The following MAG variants were observed in gnomAD, a reference collection of about 807,000 sequenced individuals.
MAG encodes myelin associated glycoprotein.
Under a neutral mutation model 60.7 loss-of-function variants are expected in MAG, and 30 were observed. The observed-to-expected ratio is 0.49, with a 90% CI of 0.37 to 0.67. The LOEUF (loss-of-function observed/expected upper bound fraction) is 0.67. Ranked by LOEUF, MAG falls within the 30% of genes least tolerant of loss-of-function variation. The probability of loss-of-function intolerance (pLI) is 0.00; values close to 1 mark genes in which losing one functional copy is unlikely to be tolerated. For synonymous variants in MAG, 384 were observed against 376.8 expected (o/e 1.02, Z -0.22); for missense variants, 795 against 851.7 (o/e 0.93, Z 0.83).
intron 5 of MAG, 103 bp from the exon 6 acceptor site, chr19:35,300,044 A>G (rs1173481087): frequency 4.8e-5 from 39 of 812,636 alleles, no homozygotes; most frequent in African/African-American, 1.9e-4. Flanking sequence ...GCCAAGGCTG[A>G]GGGCGGGGCC....
intron 9 of MAG, among the ~76,000 whole-genome samples, chr19:35,311,311 A>G (rs10414945): frequency 0.43 from 65,982 of 151,824 alleles, 15,501 homozygotes; most frequent in African/African-American, 0.63. Flanking sequence ...ACAAAAAAAC[A>G]AAAAAATTAG....
At chr19:35,309,215 C>T (rs989604731) in intron 7 of MAG, among the ~76,000 whole-genome samples, 10 of 152,056 alleles carry the variant, frequency 6.6e-5, no homozygotes, top group African/African-American at 2.2e-4. Context: ...AAGAGAGCAC[C>T]CCAAACCACC....
chr19:35,300,770 C>G (rs979265055), intron 6 of MAG, among the ~76,000 whole-genome samples: 50 of 152,254 alleles, frequency 3.3e-4, no homozygotes, highest in African/African-American at 1.2e-3. Flanking sequence ...TGCTCTGTTG[C>G]CCAGTCTGGA....
rs1164702120 is a variant in MAG, at chr19:35,293,663, TG to T, written c.-79-569del. Among the ~76,000 whole-genome samples the T allele has an allele frequency of 1.1e-4, 17 of 152,156 alleles. No homozygotes were observed. The highest frequency in any genetic ancestry group is 4.1e-4 in the African/African-American group (17 of 41,520). ...GCCAGGGGCTCGCTAGCCCCCACCC[TG>T]GGCCTTCCTGGCCCTGCTCAAAGGC... is the stretch of plus-strand genomic sequence containing the variant. On this transcript the variant is annotated intron_variant, in intron 1 of 10. Transcript: ENST00000392213. This position sits in a 1 kb window ranked among gnomAD's most constrained non-coding sequence, Gnocchi z 4.0.
chr19:35,312,092 G>C, intron 10 of MAG, 75 bp downstream of exon 10: 1 of 1,438,740 alleles, frequency 7.0e-7, no homozygotes, highest in Non-Finnish European at 9.8e-7. Flanking sequence ...GGCCTGTGAG[G>C]CCAAGGGGCA....
intron 4 of MAG, among the ~76,000 whole-genome samples, chr19:35,298,100 A>C: frequency 7.0e-6 from 1 of 142,510 alleles, no homozygotes; most frequent in African/African-American, 2.6e-5. Context: ...ACCACACACT[A>C]CACACACCAC....
chr19:35,303,194 G>A (rs1227176903), intron 7 of MAG, among the ~76,000 whole-genome samples: 1 of 152,200 alleles, frequency 6.6e-6, no homozygotes, highest in Non-Finnish European at 1.5e-5. Context: ...AAAGTCCTAG[G>A]ATTACAGGCG....
intron 6 of MAG, 87 bp from the exon 7 acceptor site, chr19:35,302,361 G>A: frequency 6.5e-7 from 1 of 1,527,066 alleles, no homozygotes; most frequent in Non-Finnish European, 8.9e-7. Flanking sequence ...TTTGGGGTGG[G>A]ATCTGGGGTC....
intron 1 of MAG, among the ~76,000 whole-genome samples, chr19:35,294,004 C>T (rs1008101865): frequency 1.3e-5 from 2 of 152,114 alleles, no homozygotes; most frequent in Non-Finnish European, 2.9e-5. Flanking sequence ...CCCCGTACCC[C>T]GATGCGGTCG....
rs375849472 is a variant in MAG at position 35,310,585 on chromosome 19, G to A, written c.1558G>A (p.Val520Met). Residue 520 changes from valine to methionine, a missense_variant, in exon 9 of 11, where the codon GTG (valine) becomes ATG (methionine). Val to Met is a conservative substitution (Grantham distance 21). Transcript: ENST00000392213. ...MWAKIGPVGA[V>M]VAFAILIAIV... ...GGCCAAGATCGGGCCTGTGGGCGCC[G>A]TGGTCGCCTTTGCCATCCTGATTGC... 14 of 1,614,156 alleles carry A rather than the reference G, an allele frequency of 8.7e-6. No individual in the cohort carries two copies. The highest frequency in any genetic ancestry group is 4.5e-5 in the East Asian group (2 of 44,872).
chr19:35,312,295 T>C (rs773699925), intron 10 of MAG: 2 of 1,613,466 alleles, frequency 1.2e-6, no homozygotes, highest in African/African-American at 1.3e-5. Context: ...AAGAGGTTTC[T>C]ACCCTGGAAT....
chr19:35,308,469 G>A (rs567936009), intron 7 of MAG, among the ~76,000 whole-genome samples: 129 of 152,290 alleles, frequency 8.5e-4, no homozygotes, highest in African/African-American at 2.6e-3. Flanking sequence ...AGTGGCTTGC[G>A]CCTTATAATC....
At position 35,302,912 on chromosome 19, in the gene MAG, CTTTTTT is replaced by C. The variant is rs869126086; in HGVS notation, c.1231+221_1231+226del. 8.0e-5 allele frequency among the ~76,000 whole-genome samples: 8 copies of C among 99,824 alleles called. No homozygotes were observed. In the East Asian group the frequency reaches 2.3e-3, roughly 29 times the overall value. 65.5% of individuals were successfully genotyped at this position (99,824 alleles called of 152,430 possible). A position where few individuals can be genotyped will look rare whatever the true frequency, so the allele number is the denominator to read the frequency against. ...TTGTGTTCCCACATCCGGGAGTGGG[CTTTTTT>C]TTTTTTTTTTTTTTTTGAGACAGAG... On this transcript the variant is annotated intron_variant, in intron 7 of 10. Transcript: ENST00000392213.
chr19:35,300,860 G>T (rs1181893409), intron 6 of MAG, among the ~76,000 whole-genome samples: 2 of 152,196 alleles, frequency 1.3e-5, no homozygotes, highest in Non-Finnish European at 2.9e-5. Context: ...CTCCTGAGCA[G>T]CTGGGCCTAC....
At chr19:35,303,060 A>G (rs951041139) in intron 7 of MAG, among the ~76,000 whole-genome samples, 5 of 151,858 alleles carry the variant, frequency 3.3e-5, no homozygotes, top group Admixed American at 3.3e-4. Context: ...AGTAGCTGGG[A>G]TTACAGGCGC....
In MAG at chr19:35,309,946, A is replaced by G. The variant is rs1156910860; in HGVS notation, c.1304A>G (p.Lys435Arg). The G allele has an allele frequency of 2.5e-6, 4 of 1,614,006 alleles. No homozygotes were observed. The highest frequency in any genetic ancestry group is 3.4e-6 in the Non-Finnish European group (4 of 1,179,942). Residue 435 changes from lysine to arginine, a missense_variant, in exon 8 of 11, where the codon AAG becomes AGG. Lys to Arg is a conservative substitution (Grantham distance 26). Coordinates refer to ENST00000392213, the MANE Select transcript of MAG (RefSeq NM_002361.4). ...RDTVQCLCVV[K>R]SNPEPSVAFE... is the part of the protein sequence containing the mutation. ...ACGGTGCAGTGCCTGTGCGTGGTGA[A>G]GTCCAACCCGGAGCCGTCCGTGGCC...
chr19:35,309,339 G>A (rs2066507675), intron 7 of MAG, among the ~76,000 whole-genome samples: 1 of 152,176 alleles, frequency 6.6e-6, no homozygotes, highest in African/African-American at 2.4e-5. Flanking sequence ...GAGAAAGGGA[G>A]GGTCTACCCA....
chr19:35,304,548 A>AT (rs535203554), intron 7 of MAG, among the ~76,000 whole-genome samples: 4,726 of 148,826 alleles, frequency 0.032, 235 homozygotes, highest in African/African-American at 0.1. Flanking sequence ...TATTATTATT[A>AT]TTTTTTTTTT....
rs112880234 is a variant in MAG at position 35,300,873 on chromosome 19, G to A, written c.970+469G>A. Among the ~76,000 whole-genome samples the A allele has an allele frequency of 9.4e-3, 1,430 of 152,254 alleles. 33 individuals carry two copies. Among genetic ancestry groups the A allele is most frequent in the African/African-American group, 0.033 (1,352 of 41,532 alleles). On this transcript the variant is annotated intron_variant, in intron 6 of 10. Transcript: ENST00000392213. ...GCCTCCTGAGCAGCTGGGCCTACAG[G>A]TGTGCACCACCACACTCCAGGCTAA...
Sources: gnomAD v4.1 joint callset for allele counts (sites outside exome capture counted in the v4.1 genomes callset) on GRCh38, gnomAD v4.1.1 for gene constraint, Gnocchi (gnomAD v3.1) non-coding constraint, MANE v1.5 for transcripts, NCBI Gene and HGNC (gene_info 2026-07-23, HGNC 2026-07-21) for gene names.